Variants in ZFR2 observed in about 807,000 individuals in gnomAD.
ZFR2 encodes zinc finger RNA binding protein 2.
Under a neutral mutation model 105.7 loss-of-function variants are expected in ZFR2, and 104 were observed. The ratio of observed to expected loss-of-function variants is 0.98; its 90% confidence interval spans 0.84 to 1.16. The LOEUF (loss-of-function observed/expected upper bound fraction) is 1.16. ZFR2 is among the 50% of genes most tolerant of loss of function. The pLI is 0.00. For missense variants in ZFR2, 1,425 were observed against 1,355.5 expected (o/e 1.05, Z -0.80); for synonymous variants, 634 against 597.7 (o/e 1.06, Z -0.89).
At chr19:3,827,686 G>A (rs1206534368) in intron 5 of ZFR2, 33 bp from the exon 6 acceptor site, 1 of 1,559,086 alleles carries the variant, frequency 6.4e-7, no homozygotes, top group South Asian at 1.2e-5. Flanking sequence ...GCCTGGGCGG[G>A]GGTTTGCACA....
In ZFR2 at chr19:3,834,790, T is replaced by A; in HGVS notation, c.247A>T (p.Thr83Ser). The A allele has an allele frequency of 6.2e-7, 1 of 1,612,024 alleles. No homozygotes were observed. Among genetic ancestry groups the A allele is most frequent in the Non-Finnish European group, 8.5e-7 (1 of 1,179,744 alleles). ...CTGGATACCTGGTAGGTAGCCATGG[T>A]GGTGGCCGTGGGGACGGGCTCCTGG... is the stretch of plus-strand genomic sequence containing the variant. Reference protein sequence around the residue: ...RPQEPVPTATTMATYQDSYSY... With the variant: ...RPQEPVPTATSMATYQDSYSY... The change falls in exon 2 of 19, where the codon ACC (threonine) becomes TCC (serine). Residue 83 changes from threonine to serine, a missense_variant. By Grantham distance (58) the Thr-to-Ser change is moderately conservative (BLOSUM62 1). Transcript: ENST00000262961. The surrounding 1 kb of genome is among the most constrained non-coding windows in gnomAD (Gnocchi z 5.3).
At chr19:3,844,618 C>T (rs1209595319) in intron 1 of ZFR2, among the ~76,000 whole-genome samples, 6 of 152,212 alleles carry the variant, frequency 3.9e-5, no homozygotes, top group Non-Finnish European at 8.8e-5. Flanking sequence ...ATCCACCTGC[C>T]TCAGCCTCCA....
In ZFR2 at chr19:3,834,826, C is replaced by T. The variant is rs773913001; in HGVS notation, c.211G>A (p.Gly71Ser). 23 of 1,612,068 alleles carry T rather than the reference C, an allele frequency of 1.4e-5. No homozygotes were observed. Among genetic ancestry groups the T allele is most frequent in the Admixed American group, 3.3e-5 (2 of 59,902 alleles). The change falls in exon 2 of 19, where the codon GGC becomes AGC. Residue 71 changes from glycine (G) to serine (S), a missense_variant. Gly to Ser is a moderately conservative substitution (Grantham distance 56). Coordinates refer to ENST00000262961, the MANE Select transcript of ZFR2 (RefSeq NM_015174.2). The surrounding 1 kb of genome is among the most constrained non-coding windows in gnomAD (Gnocchi z 5.3). ...QPHSGQDFAY[G>S]SRPQEPVPTA... ...GGGACGGGCTCCTGGGGTCGGCTGC[C>T]GTAGGCGAAGTCCTGGCCGGAGTGG... is the stretch of plus-strand genomic sequence containing the variant.
At chr19:3,842,144 C>G (rs1183922951) in intron 1 of ZFR2, among the ~76,000 whole-genome samples, 1 of 151,986 alleles carries the variant, frequency 6.6e-6, no homozygotes, top group Non-Finnish European at 1.5e-5. Flanking sequence ...TCCTGAGTAG[C>G]TGGGACTACA....
At chr19:3,835,060 TC>T in intron 1 of ZFR2, 77 bp from the exon 2 acceptor site, 2 of 1,496,558 alleles carry the variant, frequency 1.3e-6, no homozygotes, top group South Asian at 1.2e-5. Flanking sequence ...CGGTGTCAAT[TC>T]CAGCCACCAC....
chr19:3,843,834 C>CAA (rs373602529), intron 1 of ZFR2, among the ~76,000 whole-genome samples: 4 of 126,022 alleles, frequency 3.2e-5, no homozygotes, highest in Non-Finnish European at 4.9e-5. Flanking sequence ...GACTCTGTCT[C>CAA]AAAAAACAAA....
rs1305993039 is a variant in ZFR2 at position 3,834,696 on chromosome 19, TG to T, written c.264+76del. The T allele has an allele frequency of 2.7e-5, 39 of 1,445,410 alleles. No homozygotes were observed. The highest frequency in any genetic ancestry group is 3.5e-5 in the Non-Finnish European group (37 of 1,050,624). 89.5% of individuals were successfully genotyped at this position (1,445,410 alleles called of 1,614,324 possible). A position where few individuals can be genotyped will look rare whatever the true frequency, so the allele number is the denominator to read the frequency against. On this transcript the variant is annotated intron_variant, in intron 2 of 18. Coordinates refer to ENST00000262961, the MANE Select transcript of ZFR2 (RefSeq NM_015174.2). This position sits in a 1 kb window ranked among gnomAD's most constrained non-coding sequence, Gnocchi z 5.3. ...AGAGGCCTGGGAGAAGGAGTAGCTGTGGGAAGCCCACCGCTCTCACCCATGC... is the reference window on the plus strand; with the variant it reads ...AGAGGCCTGGGAGAAGGAGTAGCTGTGGAAGCCCACCGCTCTCACCCATGC...
intron 18 of ZFR2, 114 bp from the exon 19 acceptor site, chr19:3,806,239 A>G: frequency 3.5e-6 from 4 of 1,150,524 alleles, no homozygotes; most frequent in Non-Finnish European, 4.5e-6. Flanking sequence ...CCTATCCTGT[A>G]TCCCTCGAGA....
rs777764847 is a variant in ZFR2 at position 3,823,462 on chromosome 19, G to T, written c.1214-59C>A. 1.6e-4 allele frequency: 247 copies of T among 1,512,170 alleles called. No homozygotes were observed. The highest frequency in any genetic ancestry group is 2.1e-4 in the Non-Finnish European group (241 of 1,131,098). 93.7% of individuals were successfully genotyped at this position (1,512,170 alleles called of 1,614,324 possible). Reference sequence around the variant, plus strand: ...TCCAGGAGAAAGCACTGCAGCTGCAGACCCGCCAGGCGGCATGGGGTGGAG... The same window carrying T: ...TCCAGGAGAAAGCACTGCAGCTGCATACCCGCCAGGCGGCATGGGGTGGAG... On this transcript the variant is annotated intron_variant, in intron 7 of 18. Coordinates refer to ENST00000262961, the MANE Select transcript of ZFR2 (RefSeq NM_015174.2). The surrounding 1 kb of genome is among the most constrained non-coding windows in gnomAD (Gnocchi z 5.4).
In ZFR2 at chr19:3,813,927, G is replaced by C. The variant is rs368393409; in HGVS notation, c.2135C>G (p.Ser712Cys). The part of the protein sequence containing the change: ...MVTEDEYEVS[S>C]DPEANIVISS... ...GATGACAATGTTGGCTTCAGGGTCG[G>C]AGGAGACCTCATACTCATCCTCGGT... Residue 712 changes from serine to cysteine, a missense_variant, in exon 14 of 19, where the codon TCC (serine) becomes TGC (cysteine). Ser to Cys is a moderately radical substitution (Grantham distance 112, BLOSUM62 -1). Transcript: ENST00000262961. This position sits in a 1 kb window ranked among gnomAD's most constrained non-coding sequence, Gnocchi z 4.4. The C allele has an allele frequency of 1.6e-5, 26 of 1,613,960 alleles. No individual in the cohort carries two copies. The African/African-American group carries it at 3.2e-4, about 20-fold the overall frequency.
At chr19:3,849,914 C>T (rs1419330018) in intron 1 of ZFR2, among the ~76,000 whole-genome samples, 2 of 152,178 alleles carry the variant, frequency 1.3e-5, no homozygotes, top group Non-Finnish European at 2.9e-5. Context: ...TCCCTGCTGG[C>T]CTGCAGGGCA....
rs189765725 is a variant in ZFR2, at chr19:3,836,570, C to T, written c.54-1587G>A. 1.6e-3 allele frequency among the ~76,000 whole-genome samples: 250 copies of T among 152,274 alleles called. 2 individuals are homozygous for T. The highest frequency in any genetic ancestry group is 5.9e-3 in the African/African-American group (244 of 41,556). On this transcript the variant is annotated intron_variant, in intron 1 of 18. Coordinates refer to ENST00000262961, the MANE Select transcript of ZFR2 (RefSeq NM_015174.2). ...TTTTTTTTAACAGAACAAGTCAGTC[C>T]ACCTGAGTATTAAAATAATTACTTT...
At position 3,811,227 on chromosome 19, in the gene ZFR2, C is replaced by T. The variant is rs199931584; in HGVS notation, c.2337+45G>A. On this transcript the variant is annotated intron_variant, in intron 15 of 18. Coordinates refer to ENST00000262961, the MANE Select transcript of ZFR2 (RefSeq NM_015174.2). ...GACCTGGTGCCTCTGAGCTACGTTC[C>T]TCAAAGTCACCCCTCTCCCCCTGCT... is the stretch of plus-strand genomic sequence containing the variant. The T allele has an allele frequency of 2.4e-4, 357 of 1,497,098 alleles. No individual in the cohort carries two copies. In the African/African-American group the frequency reaches 4.4e-3, roughly 18 times the overall value. The allele number at this position is 1,497,098 out of a possible 1,614,324, so 92.7% of individuals were successfully genotyped here.
Position 3,814,204 on chromosome 19 carries a change from A to G in ZFR2, c.2104-246T>C, listed in dbSNP as rs1250351026. 3.3e-5 allele frequency among the ~76,000 whole-genome samples: 5 copies of G among 152,346 alleles called. No individual in the cohort carries two copies. The Middle Eastern group carries it at 0.01, about 311-fold the overall frequency. ...AGATCATGTGATGCAAGGAGCCTCC[A>G]TATGTAAAGAATACCTGTAATTCAA... On this transcript the variant is annotated intron_variant, in intron 13 of 18. Coordinates refer to ENST00000262961, the MANE Select transcript of ZFR2 (RefSeq NM_015174.2).
chr19:3,855,638 A>T (rs923814608), intron 1 of ZFR2: 2 of 412,328 alleles, frequency 4.9e-6, no homozygotes, highest in Non-Finnish European at 4.1e-6. Context: ...GCCGGGAAGG[A>T]CGCGGCAAGG....
intron 1 of ZFR2, among the ~76,000 whole-genome samples, chr19:3,847,049 GCTGA>G (rs541416325): frequency 3.1e-4 from 47 of 152,318 alleles, no homozygotes; most frequent in African/African-American, 1.0e-3. Context: ...GCAAGTTGGT[GCTGA>G]CTGTTGGTGG....
intron 1 of ZFR2, among the ~76,000 whole-genome samples, chr19:3,862,067 A>T (rs2038380104): frequency 6.6e-6 from 1 of 152,202 alleles, no homozygotes; most frequent in South Asian, 2.1e-4. Context: ...ACCCCAGGAA[A>T]GAACACCAAT....
At chr19:3,811,643 C>T (rs541700222) in intron 14 of ZFR2, among the ~76,000 whole-genome samples, 54 of 152,062 alleles carry the variant, frequency 3.6e-4, no homozygotes, top group African/African-American at 1.3e-3. Context: ...TTAGTAGAGA[C>T]GGGGTTTCCC....
At position 3,813,976 on chromosome 19, in the gene ZFR2, A is replaced by G. The variant is rs1322789513; in HGVS notation, c.2104-18T>C. On this transcript the variant is annotated intron_variant, in intron 13 of 18. Coordinates refer to ENST00000262961, the MANE Select transcript of ZFR2 (RefSeq NM_015174.2). This position sits in a 1 kb window ranked among gnomAD's most constrained non-coding sequence, Gnocchi z 4.4. ...GTCACCATCTGGGAGGGGTAAATACAACACAAGGCCACCTTACTGCAGCCC... is the reference window on the plus strand; with the variant it reads ...GTCACCATCTGGGAGGGGTAAATACGACACAAGGCCACCTTACTGCAGCCC... 6.2e-7 allele frequency: 1 copy of G among 1,613,112 alleles called. No homozygotes were observed. The highest frequency in any genetic ancestry group is 8.5e-7 in the Non-Finnish European group (1 of 1,179,612).
Sources: allele counts gnomAD v4.1 joint callset (sites outside exome capture counted in the v4.1 genomes callset), GRCh38; gene constraint gnomAD v4.1.1; non-coding constraint Gnocchi (gnomAD v3.1); transcripts MANE v1.5; gene names NCBI Gene and HGNC (gene_info 2026-07-23, HGNC 2026-07-21).